Variants in ARFGEF3 observed in about 807,000 individuals in gnomAD.
ARFGEF3 encodes ARFGEF family member 3.
Under a neutral mutation model 221.7 loss-of-function variants are expected in ARFGEF3, and 96 were observed. The observed-to-expected ratio is 0.43, with a 90% CI of 0.37 to 0.51. The LOEUF (loss-of-function observed/expected upper bound fraction) is 0.51. Ranked by LOEUF, ARFGEF3 falls within the 20% of genes least tolerant of loss-of-function variation. ARFGEF3 has a pLI of 0.00. For missense variants in ARFGEF3, 2,410 were observed against 2,789.9 expected, an observed-to-expected ratio of 0.86 and a Z score of 3.07; for synonymous variants, 1,145 against 1,126.8, an observed-to-expected ratio of 1.02 and a Z score of -0.32.
At chr6:138,310,052 GT>G (rs1779798201) in intron 24 of ARFGEF3, among the ~76,000 whole-genome samples, 1 of 152,162 alleles carries the variant, frequency 6.6e-6, no homozygotes, top group Non-Finnish European at 1.5e-5. Flanking sequence ...AACAGCCTGT[GT>G]TTTCTTCTGT....
intron 8 of ARFGEF3, among the ~76,000 whole-genome samples, chr6:138,251,002 G>A (rs1286900064): frequency 2.6e-5 from 4 of 152,306 alleles, no homozygotes; most frequent in Admixed American, 6.5e-5. Context: ...AGGTGCTTAC[G>A]TTTTAAACAG....
At chr6:138,333,847 G>A (rs1780270881) in intron 32 of ARFGEF3, 123 bp from the exon 33 acceptor site, 2 of 1,071,060 alleles carry the variant, frequency 1.9e-6, no homozygotes, top group African/African-American at 1.6e-5. Flanking sequence ...AGACATTTGA[G>A]TAGAGGTAGT....
At chr6:138,167,915 C>T (rs1776752848) in intron 1 of ARFGEF3, among the ~76,000 whole-genome samples, 1 of 152,200 alleles carries the variant, frequency 6.6e-6, no homozygotes, top group South Asian at 2.1e-4. Flanking sequence ...CTACCTGCCC[C>T]ACAGCCTTGT....
At chr6:138,177,159 A>G (rs1386808352) in intron 2 of ARFGEF3, among the ~76,000 whole-genome samples, 1 of 151,660 alleles carries the variant, frequency 6.6e-6, no homozygotes, top group Non-Finnish European at 1.5e-5. Context: ...GAGCAATCTC[A>G]GCTCACTGCA....
chr6:138,191,531 A>G (rs112168199), intron 2 of ARFGEF3, among the ~76,000 whole-genome samples: 17 of 152,212 alleles, frequency 1.1e-4, no homozygotes, highest in Middle Eastern at 3.4e-3. Context: ...GGGGTTTCTC[A>G]GAGCCCTATC....
Position 138,235,154 on chromosome 6 carries a change from A to G in ARFGEF3, c.421-3355A>G, listed in dbSNP as rs145435820. On this transcript the variant is annotated intron_variant, in intron 5 of 33. Coordinates refer to ENST00000251691, the MANE Select transcript of ARFGEF3 (RefSeq NM_020340.5). ...GATGTAAAGCTTTTATTTCTTATGTATGGCCTGCAGACTTGTGTTTTCTTG... is the reference window on the plus strand; with the variant it reads ...GATGTAAAGCTTTTATTTCTTATGTGTGGCCTGCAGACTTGTGTTTTCTTG... Among the ~76,000 whole-genome samples the G allele has an allele frequency of 1.1e-3, 162 of 152,272 alleles. 2 individuals are homozygous for G. The East Asian group carries it at 0.027, about 25-fold the overall frequency.
intron 12 of ARFGEF3, among the ~76,000 whole-genome samples, chr6:138,268,721 C>G (rs995352105): frequency 1.3e-5 from 2 of 152,172 alleles, no homozygotes; most frequent in Non-Finnish European, 2.9e-5. Context: ...CCTTGCACGG[C>G]AATTGATCAA....
chr6:138,339,866 G>A lies in ARFGEF3; in HGVS notation c.*3380G>A, dbSNP rs897677184. 3.9e-5 allele frequency: 6 copies of A among 152,176 alleles called. 1 individual carries two copies. Among genetic ancestry groups the A allele is most frequent in the Non-Finnish European group, 7.3e-5 (5 of 68,036 alleles). 9.4% of individuals were successfully genotyped at this position (152,176 alleles called of 1,614,324 possible). On this transcript the variant is annotated 3_prime_UTR_variant, in exon 34 of 34. Transcript: ENST00000251691. The stretch of plus-strand genomic sequence containing the variant: ...AGATATAAAACTAGAACACCTTTAT[G>A]ATTTGGGGTCTATGTAATGACTGAC...
At chr6:138,170,901 C>A (rs1329397779) in intron 2 of ARFGEF3, among the ~76,000 whole-genome samples, 188 bp downstream of exon 2, 34 of 152,168 alleles carry the variant, frequency 2.2e-4, no homozygotes, top group Admixed American at 2.0e-3. Context: ...AGTCCAAGAT[C>A]AAGGGGCCAC....
At chr6:138,267,912 G>T (rs569981598) in intron 12 of ARFGEF3, among the ~76,000 whole-genome samples, 1 of 152,226 alleles carries the variant, frequency 6.6e-6, no homozygotes, top group Non-Finnish European at 1.5e-5. Flanking sequence ...TTTATTGACT[G>T]TAATTTAGTT....
intron 12 of ARFGEF3, among the ~76,000 whole-genome samples, chr6:138,274,521 A>C (rs571702294): frequency 4.6e-4 from 70 of 151,408 alleles, no homozygotes; most frequent in African/African-American, 1.7e-3. Flanking sequence ...TCAGCCTAGC[A>C]AGGCGTGGTG....
At position 138,255,743 on chromosome 6, in the gene ARFGEF3, G is replaced by C; in HGVS notation, c.1078G>C (p.Val360Leu). The C allele has an allele frequency of 1.9e-6, 3 of 1,580,078 alleles. No individual in the cohort carries two copies. Among genetic ancestry groups the C allele is most frequent in the Non-Finnish European group, 2.6e-6 (3 of 1,157,956 alleles). The change falls in exon 10 of 34, where the codon GTG (valine) becomes CTG (leucine). Residue 360 changes from valine to leucine, a missense_variant. Val to Leu is a conservative substitution (Grantham distance 32). This residue lies in a region of ARFGEF3 where 570 missense variants were observed against 586.9 expected (regional missense o/e 0.97). Transcript: ENST00000251691. ...GCTCTACCCCCCACCCCAGCACCGG[G>C]TGGAAGCCATCAAAATAATGAAAGA... ...VLLYPPPQHRVEAIKIMKEIL... is the reference protein window; with the variant it reads ...VLLYPPPQHRLEAIKIMKEIL...
In ARFGEF3 at chr6:138,263,470, C is replaced by A; in HGVS notation, c.1987C>A (p.Leu663Met). 1 of 1,613,962 alleles carries A rather than the reference C, an allele frequency of 6.2e-7. No individual in the cohort carries two copies. The highest frequency in any genetic ancestry group is 8.5e-7 in the Non-Finnish European group (1 of 1,179,904). The part of the protein sequence containing the change: ...LRTAALSLKL[L>M]KNQEADQHSA... ...AACTGCCGCCCTGTCTCTAAAACTG[C>A]TGAAGAACCAGGAGGCGGATCAGCA... The change falls in exon 12 of 34, where the codon CTG (leucine) becomes ATG (methionine). Residue 663 changes from leucine (L) to methionine (M), a missense_variant. By Grantham distance (15) the Leu-to-Met change is conservative (BLOSUM62 2). This residue lies in a region of ARFGEF3 where 594 missense variants were observed against 734.3 expected (regional missense o/e 0.81). Transcript: ENST00000251691.
At chr6:138,292,166 C>T in intron 19 of ARFGEF3, 113 bp downstream of exon 19, 1 of 890,298 alleles carries the variant, frequency 1.1e-6, no homozygotes, top group East Asian at 3.3e-5. Flanking sequence ...TCACTTAAAT[C>T]TCTTCCATCT....
chr6:138,215,956 G>A (rs1279624228), intron 4 of ARFGEF3: 1 of 144,702 alleles, frequency 6.9e-6, no homozygotes, highest in Non-Finnish European at 1.5e-5. Flanking sequence ...TGGTTTTTTG[G>A]TTTTTTGGTT....
chr6:138,286,671 G>C (rs1439704029), intron 15 of ARFGEF3, 30 bp from the exon 16 acceptor site: 1 of 1,605,250 alleles, frequency 6.2e-7, no homozygotes, highest in Non-Finnish European at 8.5e-7. Flanking sequence ...TTTGTCTCTA[G>C]AAAATGACAC....
chr6:138,270,624 T>A (rs1778987718), intron 12 of ARFGEF3, among the ~76,000 whole-genome samples: 1 of 152,226 alleles, frequency 6.6e-6, no homozygotes, highest in Admixed American at 6.5e-5. Flanking sequence ...CTTTATCTAT[T>A]CTGCAGATTA....
chr6:138,215,661 T>C lies in ARFGEF3; in HGVS notation c.351+5620T>C, dbSNP rs969348393. ...GTCACTGCTATTCTTCTTGTGTAGA[T>C]GATGGAGCAGAAAAGCCAAGTCACA... On this transcript the variant is annotated intron_variant, in intron 4 of 33. Coordinates refer to ENST00000251691, the MANE Select transcript of ARFGEF3 (RefSeq NM_020340.5). Among the ~76,000 whole-genome samples, 27 of 152,012 alleles carry C rather than the reference T, an allele frequency of 1.8e-4. 1 individual carries two copies. Among genetic ancestry groups the C allele is most frequent in the Admixed American group, 1.3e-4 (2 of 15,242 alleles).
chr6:138,332,498 G>T (rs1397511498), intron 32 of ARFGEF3, among the ~76,000 whole-genome samples: 1 of 152,156 alleles, frequency 6.6e-6, no homozygotes, highest in Non-Finnish European at 1.5e-5. Flanking sequence ...TTTTTAGTAT[G>T]CATCCTGTGG....
Sources: gnomAD v4.1 joint callset for allele counts (sites outside exome capture counted in the v4.1 genomes callset) on GRCh38, gnomAD v4.1.1 for gene constraint, gnomAD v4.1.1 regional missense constraint, MANE v1.5 for transcripts, NCBI Gene and HGNC (gene_info 2026-07-23, HGNC 2026-07-21) for gene names.